Variants in ITGA10 observed in about 807,000 individuals in gnomAD.
ITGA10 encodes the protein integrin alpha-10.
In ITGA10, 105 loss-of-function variants were observed where a neutral mutation model predicts 145.2. That is an observed-to-expected ratio of 0.72 (90% CI 0.62 to 0.85). The LOEUF (loss-of-function observed/expected upper bound fraction) is 0.85, where lower values mean the gene tolerates loss of function less well. Among genes scored for constraint, ITGA10 ranks in the 40% least tolerant of loss-of-function variants. The pLI is 0.00. For missense variants in ITGA10, 1,317 were observed against 1,444.5 expected, an observed-to-expected ratio of 0.91 and a Z score of 1.43; for synonymous variants, 506 against 557.8, an observed-to-expected ratio of 0.91 and a Z score of 1.31.
In ITGA10 at chr1:145,897,329, G is replaced by T; in HGVS notation, c.2585C>A (p.Pro862Gln). Residue 862 changes from proline to glutamine, a missense_variant, in exon 21 of 30, where the codon CCA (proline) becomes CAA (glutamine). Physicochemically the swap from Pro to Gln is moderately conservative, Grantham distance 76. Transcript: ENST00000369304. ...AGGGGCGGCACATTCCACCTTTATT[G>T]GGCTCTCTCTCTGAGGGCAGGGGAA... ...LASLTPQRESPIKVECAAPSA... is the reference protein window; with the variant it reads ...LASLTPQRESQIKVECAAPSA... 1 of 1,614,034 alleles carries T rather than the reference G, an allele frequency of 6.2e-7. No homozygotes were observed. The highest frequency in any genetic ancestry group is 1.1e-5 in the South Asian group (1 of 91,072).
chr1:145,906,022 T>A (rs1252548654), intron 5 of ITGA10: 2 of 196,368 alleles, frequency 1.0e-5, no homozygotes, highest in East Asian at 2.6e-4. Flanking sequence ...TGGGTTGAAG[T>A]GAGAGTCTCC....
At chr1:145,902,086 C>G (rs1391237519) in intron 10 of ITGA10, 65 bp from the exon 11 acceptor site, 1 of 1,602,064 alleles carries the variant, frequency 6.2e-7, no homozygotes, top group African/African-American at 1.3e-5. Flanking sequence ...AAAAAACGTT[C>G]CAGGAGTGAA....
intron 15 of ITGA10, among the ~76,000 whole-genome samples, chr1:145,899,633 C>T (rs1411054255): frequency 3.3e-5 from 5 of 151,962 alleles, no homozygotes; most frequent in African/African-American, 7.3e-5. Flanking sequence ...CTCAGCCTCC[C>T]GAGTAGCTGG....
At chr1:145,893,050 A>T in intron 29 of ITGA10, 111 bp downstream of exon 29, 3 of 944,114 alleles carry the variant, frequency 3.2e-6, no homozygotes, top group Non-Finnish European at 5.2e-6. Context: ...TGGGCATGAC[A>T]TCCACAGCCT....
chr1:145,905,530 C>CG (rs1328093673), intron 5 of ITGA10, among the ~76,000 whole-genome samples: 1 of 151,890 alleles, frequency 6.6e-6, no homozygotes, highest in Non-Finnish European at 1.5e-5. Context: ...CCACTGGCCT[C>CG]GGCCTCCCAA....
Position 145,897,642 on chromosome 1 carries a change from A to C in ITGA10, c.2444T>G (p.Phe815Cys), listed in dbSNP as rs1655622709. The change falls in exon 20 of 30, where the codon TTT (phenylalanine) becomes TGT (cysteine). Residue 815 changes from phenylalanine to cysteine, a missense_variant. Transcript: ENST00000369304. ...MDIRGSRKAP[F>C]VVRGGRRKVL... is the part of the protein sequence containing the mutation. ...TTTCCGCCGGCCACCTCGAACCACA[A>C]ATGGGGCCTTCCTGGGAATGATGAA... 6.2e-7 allele frequency: 1 copy of C among 1,613,840 alleles called. No individual in the cohort carries two copies.
chr1:145,895,565 C>T (rs1553744621), intron 26 of ITGA10, 66 bp downstream of exon 26: 1 of 1,520,450 alleles, frequency 6.6e-7, no homozygotes, highest in Non-Finnish European at 9.1e-7. Context: ...CAGTTCCTAC[C>T]CTCTTGTCCC....
chr1:145,893,930 G>A (rs1052629839), intron 27 of ITGA10, among the ~76,000 whole-genome samples: 52 of 151,598 alleles, frequency 3.4e-4, no homozygotes, highest in African/African-American at 1.2e-3. Context: ...CCTTTAGATT[G>A]AAGTTTAGAT....
rs782123642 is a variant in ITGA10, at chr1:145,906,798, G to A, written c.301C>T (p.His101Tyr). The A allele has an allele frequency of 8.1e-6, 13 of 1,613,734 alleles. No individual in the cohort carries two copies. The South Asian group carries it at 1.4e-4, about 18-fold the overall frequency. Residue 101 changes from histidine (H) to tyrosine (Y), a missense_variant, in exon 4 of 30, where the codon CAT becomes TAT. By Grantham distance (83) the His-to-Tyr change is moderately conservative. Coordinates refer to ENST00000369304, the MANE Select transcript of ITGA10 (RefSeq NM_003637.5). ...CCCAGGTGCATATTCACAGCAGGAT[G>A]AGATGAATTTCCCAGTTGGTAGTCA... is the stretch of plus-strand genomic sequence containing the variant. ...LGDYQLGNSS[H>Y]PAVNMHLGMS...
intron 27 of ITGA10, 142 bp from the exon 28 acceptor site, chr1:145,893,777 T>C: frequency 1.6e-6 from 1 of 634,046 alleles, no homozygotes. Flanking sequence ...TGAAGACCAA[T>C]GGGAAAAGAG....
intron 23 of ITGA10, 34 bp downstream of exon 23, chr1:145,896,735 C>T: frequency 6.5e-7 from 1 of 1,546,088 alleles, no homozygotes; most frequent in Non-Finnish European, 8.9e-7. Context: ...AGTCTGAGGT[C>T]AGAACTGGGT....
Position 145,897,358 on chromosome 1 carries a change from A to G in ITGA10, c.2575-19T>C, listed in dbSNP as rs1553745584. 2 of 1,613,082 alleles carry G rather than the reference A, an allele frequency of 1.2e-6. No homozygotes were observed. The highest frequency in any genetic ancestry group is 1.7e-6 in the Non-Finnish European group (2 of 1,179,116). On this transcript the variant is annotated intron_variant, in intron 20 of 29. Transcript: ENST00000369304. ...TCTCTCTCTGAGGGCAGGGGAATGG[A>G]GATAGAAGCTGGAGCTGGGGCTGCA...
Position 145,899,271 on chromosome 1 carries a change from C to T in ITGA10, c.1993G>A (p.Asp665Asn), listed in dbSNP as rs1431945266. 118 of 1,614,126 alleles carry T rather than the reference C, an allele frequency of 7.3e-5. No homozygotes were observed. The highest frequency in any genetic ancestry group is 9.7e-5 in the Non-Finnish European group (114 of 1,180,060). ...TPQAISVVQRDCRRRGQEAVC... is the reference protein window; with the variant it reads ...TPQAISVVQRNCRRRGQEAVC... ...GCCTCTTGGCCTCGCCGCCTACAGT[C>T]CCTCTGAACCACACTGATGGCCTGT... is the stretch of plus-strand genomic sequence containing the variant. Residue 665 changes from aspartate to asparagine, a missense_variant, in exon 16 of 30, where the codon GAC becomes AAC. Coordinates refer to ENST00000369304, the MANE Select transcript of ITGA10 (RefSeq NM_003637.5).
Position 145,895,674 on chromosome 1 carries a change from C to T in ITGA10, c.3071G>A (p.Gly1024Asp). 6.2e-7 allele frequency: 1 copy of T among 1,614,204 alleles called. No homozygotes were observed. The highest frequency in any genetic ancestry group is 1.1e-5 in the South Asian group (1 of 91,084). ...AAGCTCCTCTGGATGCACAGGTGGG[C>T]CTGGGGGTTCAGTCAGGTTCTGCAC... ...CIVQNLTEPP[G>D]PPVHPEELQH... Residue 1024 changes from glycine to aspartate, a missense_variant, in exon 26 of 30, where the codon GGC (glycine) becomes GAC (aspartate). By Grantham distance (94) the Gly-to-Asp change is moderately conservative. Coordinates refer to ENST00000369304, the MANE Select transcript of ITGA10 (RefSeq NM_003637.5).
chr1:145,906,993 A>G, intron 3 of ITGA10, 48 bp downstream of exon 3: 1 of 1,363,118 alleles, frequency 7.3e-7, no homozygotes, highest in Non-Finnish European at 1.0e-6. Flanking sequence ...AAGCTTCTAG[A>G]GTATCAAAGT....
At position 145,901,723 on chromosome 1, in the gene ITGA10, G is replaced by T; in HGVS notation, c.1295-59C>A. ...AAGAAGATGGGGTCCAGAGTAGGGG[G>T]GTTCCCTAAAGGCATAGCAGGAGGT... On this transcript the variant is annotated intron_variant, in intron 11 of 29. Coordinates refer to ENST00000369304, the MANE Select transcript of ITGA10 (RefSeq NM_003637.5). The surrounding 1 kb of genome is among the most constrained non-coding windows in gnomAD (Gnocchi z 4.3). 2 of 1,536,120 alleles carry T rather than the reference G, an allele frequency of 1.3e-6. No individual in the cohort carries two copies. Among genetic ancestry groups the T allele is most frequent in the Non-Finnish European group, 1.8e-6 (2 of 1,141,614 alleles).
In ITGA10 at chr1:145,902,100, A is replaced by T. The variant is rs1038562285; in HGVS notation, c.1150-79T>A. On this transcript the variant is annotated intron_variant, in intron 10 of 29. Transcript: ENST00000369304. ...AAAAAAACGTTCCAGGAGTGAAAAG[A>T]TCACTGAGGGTCTGCTGGGCTCAGT... 20 of 1,593,368 alleles carry T rather than the reference A, an allele frequency of 1.3e-5. 1 individual carries two copies. The South Asian group carries it at 2.0e-4, about 16-fold the overall frequency.
At chr1:145,899,141 TGA>T (rs1164921764) in intron 16 of ITGA10, 32 bp downstream of exon 16, 4 of 1,614,100 alleles carry the variant, frequency 2.5e-6, no homozygotes, top group Non-Finnish European at 3.4e-6. Flanking sequence ...TGCAAGGAAT[TGA>T]GAGTTGCCTG....
rs1202006808 is a variant in ITGA10 at position 145,904,183 on chromosome 1, A to G, written c.627T>C (p.Tyr209=). The G allele has an allele frequency of 5.0e-6, 8 of 1,614,058 alleles. No individual in the cohort carries two copies. In the African/African-American group the frequency reaches 6.7e-5, roughly 13 times the overall value. ...PEQIQVGLVQ[Y]GESPVHEWSL... is the part of the protein sequence containing the mutation. ...ACCACTCATGTACAGGGCTCTCCCC[A>G]TACTGTACCAGTCCCACCTGGGAAT... The change falls in exon 7 of 30, where the codon TAT becomes TAC. Residue 209 remains tyrosine, a synonymous_variant. Coordinates refer to ENST00000369304, the MANE Select transcript of ITGA10 (RefSeq NM_003637.5).
Sources: gnomAD v4.1 joint callset for allele counts (sites outside exome capture counted in the v4.1 genomes callset) on GRCh38, gnomAD v4.1.1 for gene constraint, Gnocchi (gnomAD v3.1) non-coding constraint, MANE v1.5 for transcripts, NCBI Gene and HGNC (gene_info 2026-07-23, HGNC 2026-07-21) for gene names.